FANCL: variants seen among roughly 807,000 people sequenced by gnomAD.
FANCL encodes the protein E3 ubiquitin-protein ligase FANCL.
FANCL carries 69 observed loss-of-function variants against 59.4 expected under a neutral mutation model. That is an observed-to-expected ratio of 1.16 (90% confidence interval 0.96 to 1.42). The LOEUF is 1.42. FANCL is among the 40% of genes most tolerant of loss of function. The pLI is 0.00. For missense variants in FANCL, 519 were observed against 447.2 expected, an observed-to-expected ratio of 1.16 and a Z score of -1.45; for synonymous variants, 180 against 147.1, an observed-to-expected ratio of 1.22 and a Z score of -1.62.
intron 5 of FANCL, among the ~76,000 whole-genome samples, chr2:58,217,133 TTA>T (rs1450335752): frequency 2.0e-5 from 2 of 102,330 alleles, no homozygotes; most frequent in Admixed American, 2.5e-4. Flanking sequence ...ATATATATTT[TTA>T]TATATAGATT....
chr2:58,180,580 A>T (rs951514358), intron 7 of FANCL, among the ~76,000 whole-genome samples: 2 of 152,194 alleles, frequency 1.3e-5, no homozygotes, highest in African/African-American at 4.8e-5. Flanking sequence ...TAGGTGAGGG[A>T]TAGTATTAGG....
At chr2:58,232,263 G>T in intron 1 of FANCL, 151 bp from the exon 2 acceptor site, 1 of 696,208 alleles carries the variant, frequency 1.4e-6, no homozygotes, top group Non-Finnish European at 2.5e-6. Flanking sequence ...TAAAATATAT[G>T]CAACACAATA....
At chr2:58,210,718 T>C (rs896703836) in intron 5 of FANCL, among the ~76,000 whole-genome samples, 1 of 152,102 alleles carries the variant, frequency 6.6e-6, no homozygotes, top group Non-Finnish European at 1.5e-5. Context: ...ATTCGATAAA[T>C]ACAGCCATTC....
upstream of FANCL, chr2:58,241,336 A>G (rs747759150): frequency 1.2e-6 from 2 of 1,612,420 alleles, no homozygotes; most frequent in Non-Finnish European, 1.7e-6. Context: ...GGAGAAACAC[A>G]GAAAAGCTCT....
At chr2:58,198,368 T>C (rs1015636012) in intron 7 of FANCL, among the ~76,000 whole-genome samples, 15 of 152,180 alleles carry the variant, frequency 9.9e-5, no homozygotes, top group Admixed American at 9.2e-4. Context: ...ACTACTTACA[T>C]GGCAAATGCA....
chr2:58,205,148 C>T (rs558402979), intron 5 of FANCL, among the ~76,000 whole-genome samples: 1 of 151,410 alleles, frequency 6.6e-6, no homozygotes, highest in Admixed American at 6.6e-5. Flanking sequence ...ATATAAGCCT[C>T]CTAACTTAGG....
chr2:58,195,865 C>T (rs1293653907), intron 7 of FANCL, among the ~76,000 whole-genome samples: 1 of 151,920 alleles, frequency 6.6e-6, no homozygotes, highest in Non-Finnish European at 1.5e-5. Context: ...TACTGCGTAA[C>T]CCCAAAGAGG....
chr2:58,221,268 C>G (rs1166097607), intron 5 of FANCL, among the ~76,000 whole-genome samples: 1 of 151,688 alleles, frequency 6.6e-6, no homozygotes, highest in African/African-American at 2.4e-5. Context: ...TTATAATACA[C>G]TTAATAATAA....
At chr2:58,201,383 G>C (rs1690006535) in intron 6 of FANCL, among the ~76,000 whole-genome samples, 1 of 151,070 alleles carries the variant, frequency 6.6e-6, no homozygotes, top group Non-Finnish European at 1.5e-5. Flanking sequence ...TAAAAAAAAA[G>C]ATTACATAAT....
chr2:58,204,214 C>T lies in FANCL; in HGVS notation c.387G>A (p.Ala129=), dbSNP rs141400460. 5.0e-5 allele frequency: 81 copies of T among 1,612,732 alleles called. No homozygotes were observed. The highest frequency in any genetic ancestry group is 4.0e-4 in the African/African-American group (30 of 74,850). ...GTLGWDKLVY[A]DTCFSTIKLK... Reference sequence around the variant, plus strand: ...ACTTGATGGTACTGAAGCAGGTATCCGCATACACAAGTCTGGTGAGCAGAG... The same window carrying T: ...ACTTGATGGTACTGAAGCAGGTATCTGCATACACAAGTCTGGTGAGCAGAG... The change falls in exon 6 of 14, where the codon GCG becomes GCA. Residue 129 remains alanine (A), a synonymous_variant. Coordinates refer to ENST00000233741, the MANE Select transcript of FANCL (RefSeq NM_018062.4).
chr2:58,171,603 A>T (rs1239687418), intron 7 of FANCL, among the ~76,000 whole-genome samples: 3 of 152,188 alleles, frequency 2.0e-5, no homozygotes, highest in Non-Finnish European at 4.4e-5. Flanking sequence ...TTTTGAAAAG[A>T]GTAACAAAAT....
At chr2:58,217,213 TATAC>T (rs1184404194) in intron 5 of FANCL, among the ~76,000 whole-genome samples, 19 of 7,744 alleles carry the variant, frequency 2.5e-3, no homozygotes, top group South Asian at 0.011. Flanking sequence ...TATATATATA[TATAC>T]ACACACACAC....
At chr2:58,186,559 T>C (rs10490253) in intron 7 of FANCL, among the ~76,000 whole-genome samples, 7,909 of 152,276 alleles carry the variant, frequency 0.052, 301 homozygotes, top group African/African-American at 0.097. Flanking sequence ...TAAGCAGCTG[T>C]AGAAAAAGTT....
At chr2:58,215,405 C>T (rs1027050965) in intron 5 of FANCL, among the ~76,000 whole-genome samples, 3 of 152,182 alleles carry the variant, frequency 2.0e-5, no homozygotes, top group Admixed American at 6.5e-5. Flanking sequence ...AGTACACTTA[C>T]AATTATATGT....
At position 58,163,332 on chromosome 2, in the gene FANCL, T is replaced by TA. The variant is rs201405464; in HGVS notation, c.775+101dup. 973 of 892,378 alleles carry TA rather than the reference T, an allele frequency of 1.1e-3. 9 individuals are homozygous for TA. In the African/African-American group the frequency reaches 0.014, roughly 13 times the overall value. The allele number at this position is 892,378 out of a possible 1,614,324, so 55.3% of individuals were successfully genotyped here. A position where few individuals can be genotyped will look rare whatever the true frequency, so the allele number is the denominator to read the frequency against. ...GCAAAACTCCGTCTCAGACAAAAAA[T>TA]AAAAACTACCATTAATATACTAATA... On this transcript the variant is annotated intron_variant, in intron 9 of 13. Transcript: ENST00000233741.
chr2:58,211,347 A>G (rs1224789741), intron 5 of FANCL, among the ~76,000 whole-genome samples: 2 of 152,188 alleles, frequency 1.3e-5, no homozygotes, highest in Non-Finnish European at 2.9e-5. Context: ...CAGCTGGAGC[A>G]GCTGGGATGC....
At chr2:58,162,029 C>A (rs1685261968) in intron 11 of FANCL, among the ~76,000 whole-genome samples, 1 of 151,866 alleles carries the variant, frequency 6.6e-6, no homozygotes, top group South Asian at 2.1e-4. Context: ...AAAAGAGATT[C>A]CATTTTTGGC....
chr2:58,173,181 G>A (rs6752935), intron 7 of FANCL, among the ~76,000 whole-genome samples: 20,865 of 152,164 alleles, frequency 0.14, 1,706 homozygotes, highest in African/African-American at 0.22. Flanking sequence ...TGAAAGTGAC[G>A]AGGACAATGG....
intron 6 of FANCL, among the ~76,000 whole-genome samples, chr2:58,201,667 G>C (rs990318912): frequency 1.3e-5 from 2 of 151,976 alleles, no homozygotes; most frequent in Admixed American, 1.3e-4. Flanking sequence ...ATTCAGTACT[G>C]AATGCACTGT....
Sources: allele counts gnomAD v4.1 joint callset (sites outside exome capture counted in the v4.1 genomes callset), GRCh38; gene constraint gnomAD v4.1.1; transcripts MANE v1.5; gene names NCBI Gene and HGNC (gene_info 2026-07-23, HGNC 2026-07-21).